The following GDPD4 variants were observed in gnomAD, a reference collection of about 807,000 sequenced individuals.
GDPD4 encodes the protein glycerophosphodiester phosphodiesterase domain containing 4, also known as glycerophosphodiester phosphodiesterase 6.
A neutral mutation model predicts 67.8 loss-of-function variants in GDPD4; 60 were observed. That is an observed-to-expected ratio of 0.88 (90% CI 0.72 to 1.10). The LOEUF is 1.10. GDPD4 is among the 50% of genes least tolerant of loss of function. The pLI is 0.00. For synonymous variants in GDPD4, 212 were observed against 210.9 expected (o/e 1.00, Z -0.04); for missense variants, 623 against 613.9 (o/e 1.01, Z -0.16).
chr11:77,265,862 C>T (rs1959175778), intron 10 of GDPD4, among the ~76,000 whole-genome samples: 1 of 152,074 alleles, frequency 6.6e-6, no homozygotes, highest in South Asian at 2.1e-4. Context: ...TTTCTCCATC[C>T]CTTTAATTTT....
intron 1 of GDPD4, among the ~76,000 whole-genome samples, chr11:77,288,316 C>T (rs549233898): frequency 4.6e-5 from 7 of 152,290 alleles, no homozygotes; most frequent in Non-Finnish European, 8.8e-5. Flanking sequence ...ACTGCCAGTA[C>T]CCAAGCAAGC....
chr11:77,238,904 C>T (rs914997745), intron 13 of GDPD4, among the ~76,000 whole-genome samples: 4 of 152,138 alleles, frequency 2.6e-5, no homozygotes, highest in Admixed American at 2.6e-4. Flanking sequence ...AAGAAAATTA[C>T]AGGCCAATAT....
intron 11 of GDPD4, among the ~76,000 whole-genome samples, chr11:77,246,444 G>A (rs964361057): frequency 6.6e-6 from 1 of 152,080 alleles, no homozygotes; most frequent in Non-Finnish European, 1.5e-5. Context: ...AATTATTAAC[G>A]ACTATATTTA....
At chr11:77,225,263 T>TG (rs1240325428) in intron 16 of GDPD4, among the ~76,000 whole-genome samples, 1 of 149,844 alleles carries the variant, frequency 6.7e-6, no homozygotes, top group Non-Finnish European at 1.5e-5. Context: ...ATCATGCCAC[T>TG]GCACTCCAGC....
chr11:77,258,832 C>T (rs1033589779), intron 10 of GDPD4, among the ~76,000 whole-genome samples: 6 of 152,118 alleles, frequency 3.9e-5, no homozygotes, highest in Admixed American at 2.0e-4. Flanking sequence ...ACAGTAGTGG[C>T]CTGAAAATAA....
chr11:77,268,555 A>G lies in GDPD4; in HGVS notation c.625-16T>C, dbSNP rs375247638. 7 of 1,577,198 alleles carry G rather than the reference A, an allele frequency of 4.4e-6. No individual in the cohort carries two copies. Among genetic ancestry groups the G allele is most frequent in the Non-Finnish European group, 5.2e-6 (6 of 1,147,310 alleles). ...CAGGCCCCAACTGTAGAAGAAAAGG[A>G]CATCAGGCCCTAAGCCTCAGAGTCT... On this transcript the variant is annotated splice_polypyrimidine_tract_variant and intron_variant, in intron 9 of 16. Coordinates refer to ENST00000315938, the MANE Select transcript of GDPD4 (RefSeq NM_182833.3).
At chr11:77,289,396 A>T (rs12792615) in intron 1 of GDPD4, among the ~76,000 whole-genome samples, 1 of 150,912 alleles carries the variant, frequency 6.6e-6, no homozygotes, top group Non-Finnish European at 1.5e-5. Flanking sequence ...AAAGGAGGGA[A>T]GACGGAAAGA....
intron 16 of GDPD4, among the ~76,000 whole-genome samples, chr11:77,227,628 G>A (rs919540690): frequency 8.5e-5 from 13 of 152,310 alleles, no homozygotes; most frequent in African/African-American, 2.9e-4. Context: ...ACCCATGCTT[G>A]AAATCTTCCA....
At chr11:77,280,427 A>G (rs1403148249) in intron 3 of GDPD4, among the ~76,000 whole-genome samples, 1 of 127,854 alleles carries the variant, frequency 7.8e-6, no homozygotes, top group Non-Finnish European at 1.6e-5. Flanking sequence ...TTCGAAATTA[A>G]AAAAAAAAAC....
At chr11:77,246,807 G>C (rs752415243) in intron 11 of GDPD4, among the ~76,000 whole-genome samples, 8 of 152,040 alleles carry the variant, frequency 5.3e-5, no homozygotes, top group Non-Finnish European at 1.2e-4. Flanking sequence ...TCTTTGAAAC[G>C]CACAGCATTT....
At chr11:77,227,354 A>T (rs942285244) in intron 16 of GDPD4, among the ~76,000 whole-genome samples, 1 of 152,166 alleles carries the variant, frequency 6.6e-6, no homozygotes, top group Non-Finnish European at 1.5e-5. Context: ...CCTCCAACAT[A>T]TATCACCCAC....
intron 16 of GDPD4, among the ~76,000 whole-genome samples, chr11:77,220,920 T>A (rs547837268): frequency 6.6e-6 from 1 of 152,342 alleles, no homozygotes; most frequent in East Asian, 1.9e-4. Context: ...AACTTCTGAA[T>A]TCGGGTGGGT....
At chr11:77,269,122 G>A (rs1304918742) in intron 8 of GDPD4, 53 bp from the exon 9 acceptor site, 3 of 1,551,812 alleles carry the variant, frequency 1.9e-6, no homozygotes, top group Admixed American at 3.5e-5. Flanking sequence ...AAAGAGGGAT[G>A]GAAAATCATC....
At position 77,237,932 on chromosome 11, in the gene GDPD4, A is replaced by G. The variant is rs1302579056; in HGVS notation, c.1242-4760T>C. 3.3e-5 allele frequency among the ~76,000 whole-genome samples: 5 copies of G among 152,176 alleles called. No homozygotes were observed. In the East Asian group the frequency reaches 9.6e-4, roughly 29 times the overall value. ...TGAGACCCTATCTCAAAAAATAAAAAACAAATAAGTTTATAGCTTTAAATG... is the reference window on the plus strand; with the variant it reads ...TGAGACCCTATCTCAAAAAATAAAAGACAAATAAGTTTATAGCTTTAAATG... On this transcript the variant is annotated intron_variant, in intron 13 of 16. Transcript: ENST00000315938.
At chr11:77,297,537 GA>G (rs576071684) in intron 1 of GDPD4, among the ~76,000 whole-genome samples, 192 of 77,972 alleles carry the variant, frequency 2.5e-3, no homozygotes, top group Middle Eastern at 0.011. Flanking sequence ...CTCCGTCTCA[GA>G]AAAAAAAAAA....
intron 10 of GDPD4, among the ~76,000 whole-genome samples, chr11:77,267,299 C>G (rs1485101158): frequency 2.0e-5 from 3 of 152,184 alleles, no homozygotes; most frequent in African/African-American, 7.2e-5. Context: ...GATATTCACA[C>G]AGTGATAAAA....
At chr11:77,291,539 T>C (rs1937776845) in intron 1 of GDPD4, among the ~76,000 whole-genome samples, 1 of 152,150 alleles carries the variant, frequency 6.6e-6, no homozygotes, top group Admixed American at 6.5e-5. Flanking sequence ...TACAAAGAAA[T>C]GATAAATTTT....
At chr11:77,274,903 T>C (rs913812152) in intron 5 of GDPD4, among the ~76,000 whole-genome samples, 3 of 151,664 alleles carry the variant, frequency 2.0e-5, no homozygotes, top group African/African-American at 7.3e-5. Context: ...TGGGTCAGAG[T>C]GGGAGAAATG....
intron 16 of GDPD4, among the ~76,000 whole-genome samples, chr11:77,222,941 ACTT>A (rs963169188): frequency 2.0e-5 from 3 of 150,360 alleles, no homozygotes; most frequent in East Asian, 2.0e-4. Context: ...TTTTTACTCT[ACTT>A]CTCTTCTCAC....
Sources: gnomAD v4.1 joint callset for allele counts (sites outside exome capture counted in the v4.1 genomes callset) on GRCh38, gnomAD v4.1.1 for gene constraint, MANE v1.5 for transcripts, NCBI Gene and HGNC (gene_info 2026-07-23, HGNC 2026-07-21) for gene names.